Variants in TRIOBP observed in about 807,000 individuals in gnomAD.
TRIOBP encodes TRIO and F-actin-binding protein.
A neutral mutation model predicts 238.8 loss-of-function variants in TRIOBP; 169 were observed. The ratio of observed to expected loss-of-function variants is 0.71; its 90% CI spans 0.62 to 0.80. TRIOBP has a LOEUF of 0.80. Among genes scored for constraint, TRIOBP ranks in the 30% least tolerant of loss-of-function variants. The pLI is 0.00. For missense variants in TRIOBP, 2,838 were observed against 3,122.6 expected (o/e 0.91, Z 2.17); for synonymous variants, 1,150 against 1,274.4 (o/e 0.90, Z 2.08).
chr22:37,711,733 C>T (rs1161811536), intron 4 of TRIOBP, among the ~76,000 whole-genome samples: 2 of 151,844 alleles, frequency 1.3e-5, no homozygotes, highest in Non-Finnish European at 2.9e-5. Context: ...GAGCCTTTAG[C>T]TTGCCTGCGT....
intron 3 of TRIOBP, among the ~76,000 whole-genome samples, chr22:37,707,816 C>A (rs1923022188): frequency 6.6e-6 from 1 of 150,742 alleles, no homozygotes; most frequent in South Asian, 2.1e-4. Context: ...GTGGCGGACC[C>A]CTGTAGTCCC....
rs372154328 is a variant in TRIOBP at position 37,738,735 on chromosome 22, G to T, written c.5184+16G>T. ...GGCAGACTCGGTAGCTGGGTCATGG[G>T]TGTGGGTACATACGGTGGGGAAGGG... On this transcript the variant is annotated intron_variant, in intron 10 of 23. Transcript: ENST00000644935. The T allele has an allele frequency of 5.6e-6, 9 of 1,613,546 alleles. No individual in the cohort carries two copies. Among genetic ancestry groups the T allele is most frequent in the Non-Finnish European group, 6.8e-6 (8 of 1,179,730 alleles).
chr22:37,726,303 T>G lies in TRIOBP; in HGVS notation c.3747T>G (p.Ser1249=), dbSNP rs542560562. Residue 1249 remains serine (S), a synonymous_variant, in exon 7 of 24, where the codon TCT becomes TCG. Coordinates refer to ENST00000644935, the MANE Select transcript of TRIOBP (RefSeq NM_001039141.3). The stretch of plus-strand genomic sequence containing the variant: ...CACCCTCACCTTCACCGGGCAGCTC[T>G]GGGGGCTCCCGGGGCTCAGCGCCTC... ...FLAPSPSPGS[S]GGSRGSAPPG... 3.7e-6 allele frequency: 6 copies of G among 1,612,748 alleles called. No homozygotes were observed. In the East Asian group the frequency reaches 1.3e-4, roughly 36 times the overall value.
chr22:37,771,867 A>G lies in TRIOBP; in HGVS notation c.6936+131A>G, dbSNP rs535587123. The G allele has an allele frequency of 8.6e-6, 7 of 814,666 alleles. No homozygotes were observed. In the East Asian group the frequency reaches 1.6e-4, roughly 19 times the overall value. 50.5% of individuals were successfully genotyped at this position (814,666 alleles called of 1,614,324 possible). ...CCTCAGGCTCTCCTGTGCTTCTCCC[A>G]TGTAGGTGTCATCATCCCCATTCAC... On this transcript the variant is annotated intron_variant, in intron 22 of 23. Coordinates refer to ENST00000644935, the MANE Select transcript of TRIOBP (RefSeq NM_001039141.3).
Position 37,759,167 on chromosome 22 carries a change from G to T in TRIOBP, c.6227G>T (p.Arg2076Leu), listed in dbSNP as rs572469366. Residue 2076 changes from arginine (R) to leucine (L), a missense_variant, in exon 17 of 24, where the codon CGG becomes CTG. Coordinates refer to ENST00000644935, the MANE Select transcript of TRIOBP (RefSeq NM_001039141.3). ...EALEKEVQALRAQLEAWRLQG... is the reference protein window; with the variant it reads ...EALEKEVQALLAQLEAWRLQG... Reference sequence around the variant, plus strand: ...TCTCCCTCGTAGGTTCAGGCTCTTCGGGCCCAGCTGGAGGCGTGGCGTCTC... The same window carrying T: ...TCTCCCTCGTAGGTTCAGGCTCTTCTGGCCCAGCTGGAGGCGTGGCGTCTC... 1 of 1,612,298 alleles carries T rather than the reference G, an allele frequency of 6.2e-7. No homozygotes were observed. Among genetic ancestry groups the T allele is most frequent in the Non-Finnish European group, 8.5e-7 (1 of 1,179,704 alleles).
intron 11 of TRIOBP, among the ~76,000 whole-genome samples, chr22:37,742,757 A>G (rs1398652475): frequency 1.3e-5 from 2 of 152,208 alleles, no homozygotes; most frequent in Non-Finnish European, 2.9e-5. Flanking sequence ...CGAAGCAGGG[A>G]AAGCACTCTG....
intron 6 of TRIOBP, among the ~76,000 whole-genome samples, chr22:37,722,755 G>T (rs1401224287): frequency 6.6e-6 from 1 of 152,158 alleles, no homozygotes; most frequent in African/African-American, 2.4e-5. Context: ...GAAATGGGGG[G>T]AATTCCTTGG....
intron 15 of TRIOBP, among the ~76,000 whole-genome samples, chr22:37,756,213 C>T (rs960098555): frequency 1.3e-5 from 2 of 152,116 alleles, no homozygotes; most frequent in African/African-American, 2.4e-5. Flanking sequence ...GTAATCCCAG[C>T]GATTTGGGAG....
intron 3 of TRIOBP, among the ~76,000 whole-genome samples, chr22:37,705,373 C>T (rs922719262): frequency 6.6e-6 from 1 of 151,580 alleles, no homozygotes; most frequent in African/African-American, 2.4e-5. Flanking sequence ...AGAATCCTCT[C>T]AAAACAAAAC....
intron 6 of TRIOBP, among the ~76,000 whole-genome samples, chr22:37,721,024 A>ATTTTT (rs11312598): frequency 3.8e-5 from 5 of 133,332 alleles, no homozygotes; most frequent in Non-Finnish European, 4.8e-5. Flanking sequence ...CATCCGGCTA[A>ATTTTT]TTTTTTTTTT....
chr22:37,743,511 T>C (rs964674963), intron 11 of TRIOBP, among the ~76,000 whole-genome samples: 3 of 152,210 alleles, frequency 2.0e-5, no homozygotes, highest in Admixed American at 6.5e-5. Flanking sequence ...CGAGCCGTGC[T>C]TACGGAGGAT....
intron 3 of TRIOBP, among the ~76,000 whole-genome samples, chr22:37,703,097 G>A (rs1922744734): frequency 6.6e-6 from 1 of 151,902 alleles, no homozygotes. Context: ...CTGGGTTCAA[G>A]CAATTCTCCT....
chr22:37,748,553 T>C (rs1569053232), intron 11 of TRIOBP, among the ~76,000 whole-genome samples: 1 of 151,034 alleles, frequency 6.6e-6, no homozygotes, highest in Non-Finnish European at 1.5e-5. Flanking sequence ...GCTAATTTCC[T>C]GGCCTAGAAC....
chr22:37,742,173 G>A (rs1924965728), intron 11 of TRIOBP, among the ~76,000 whole-genome samples: 1 of 151,514 alleles, frequency 6.6e-6, no homozygotes, highest in South Asian at 2.1e-4. Flanking sequence ...TGGCCAGGCT[G>A]GTCTTGAACT....
At chr22:37,751,177 GC>G in intron 11 of TRIOBP, 8 of 400,340 alleles carry the variant, frequency 2.0e-5, no homozygotes, top group East Asian at 7.5e-5. Context: ...CCGGGGCTGT[GC>G]CCCCCTGGGC....
intron 12 of TRIOBP, among the ~76,000 whole-genome samples, chr22:37,753,570 C>T (rs888866932): frequency 2.6e-5 from 4 of 152,232 alleles, no homozygotes; most frequent in Non-Finnish European, 5.9e-5. Context: ...CGAGCTACCG[C>T]GCCCAGCTAT....
rs376251715 is a variant in TRIOBP, at chr22:37,725,418, G to A, written c.2862G>A (p.Arg954=). 2.4e-5 allele frequency: 39 copies of A among 1,610,176 alleles called. No individual in the cohort carries two copies. Among genetic ancestry groups the A allele is most frequent in the African/African-American group, 4.0e-5 (3 of 74,800 alleles). Residue 954 remains arginine, a synonymous_variant, in exon 7 of 24, where the codon AGG becomes AGA. Coordinates refer to ENST00000644935, the MANE Select transcript of TRIOBP (RefSeq NM_001039141.3). ...GGCCTCAGACATCCTCTCCCAGCAG[G>A]CCAGCCCAGCATGACCCACCCCAGT... The part of the protein sequence containing the change: ...GDRPQTSSPS[R]PAQHDPPQSS...
intron 7 of TRIOBP, 151 bp from the exon 8 acceptor site, chr22:37,733,147 C>A: frequency 3.0e-6 from 2 of 676,932 alleles, no homozygotes; most frequent in Admixed American, 2.2e-5. Context: ...GAAACTAAGG[C>A]CCTGAGAGTC....
Position 37,725,888 on chromosome 22 carries a change from CTG to C in TRIOBP, c.3338_3339del (p.Cys1113TyrfsTer70). 1.9e-6 allele frequency: 3 copies of C among 1,613,626 alleles called. No homozygotes were observed. The highest frequency in any genetic ancestry group is 2.5e-6 in the Non-Finnish European group (3 of 1,179,880). On this transcript the variant is annotated frameshift_variant, in exon 7 of 24. Coordinates refer to ENST00000644935, the MANE Select transcript of TRIOBP (RefSeq NM_001039141.3). LOFTEE classifies it high-confidence loss of function. The stretch of plus-strand genomic sequence containing the variant: ...CACGAGCCCCTTCAGCTCCCTGCAC[CTG>C]TGTGTATTGGGTACCGAGATGCACC...
Sources: allele counts gnomAD v4.1 joint callset (sites outside exome capture counted in the v4.1 genomes callset), GRCh38; gene constraint gnomAD v4.1.1; transcripts MANE v1.5; gene names NCBI Gene and HGNC (gene_info 2026-07-23, HGNC 2026-07-21).